The following SAMD5 variants were observed in gnomAD, a reference collection of about 807,000 sequenced individuals.
SAMD5 encodes sterile alpha motif domain-containing protein 5.
In SAMD5, 13 loss-of-function variants were observed where a neutral mutation model predicts 11.3. That is an observed-to-expected ratio of 1.15 (90% CI 0.75 to 1.83). The LOEUF (loss-of-function observed/expected upper bound fraction) is 1.83. Ranked by LOEUF, SAMD5 falls within the 40% of genes most tolerant of loss-of-function variation. The pLI is 0.00. For missense variants in SAMD5, 255 were observed against 239.1 expected, an observed-to-expected ratio of 1.07 and a Z score of -0.44; for synonymous variants, 129 against 111.3, an observed-to-expected ratio of 1.16 and a Z score of -1.00.
intron 1 of SAMD5, among the ~76,000 whole-genome samples, chr6:147,540,901 A>G (rs1788590084): frequency 7.4e-6 from 1 of 134,294 alleles, no homozygotes. Context: ...GACCCTGCTC[A>G]CCGCACCATA....
chr6:147,662,198 G>T (rs1450515105), intron 1 of SAMD5, among the ~76,000 whole-genome samples: 1 of 152,184 alleles, frequency 6.6e-6, no homozygotes, highest in Non-Finnish European at 1.5e-5. Context: ...GATGAAAGGA[G>T]TATAGTATTT....
chr6:147,938,153 G>A, the SAMD5 span, among the ~76,000 whole-genome samples: 3 of 152,198 alleles, frequency 2.0e-5, no homozygotes, highest in Non-Finnish European at 4.4e-5. Flanking sequence ...AGTATGTAAT[G>A]GGGAGAAGTG....
At chr6:147,743,288 A>G in the SAMD5 span, 1 of 152,350 alleles carries the variant, frequency 6.6e-6, no homozygotes, top group South Asian at 2.1e-4. Flanking sequence ...CAGCCGGATT[A>G]CAAGGTCAGA....
chr6:147,742,972 A>C, the SAMD5 span, among the ~76,000 whole-genome samples: 1 of 152,346 alleles, frequency 6.6e-6, no homozygotes, highest in African/African-American at 2.4e-5. Context: ...GTGGAGGTAC[A>C]AGAAGGTGAT....
At chr6:147,878,761 CAACACAATGACTAATAT>C in the SAMD5 span, among the ~76,000 whole-genome samples, 1 of 151,260 alleles carries the variant, frequency 6.6e-6, no homozygotes, top group African/African-American at 2.4e-5. Flanking sequence ...AGAACTAATA[CAACACAATGACTAATAT>C]AACACAAGCT....
the SAMD5 span, among the ~76,000 whole-genome samples, chr6:147,935,613 A>G: frequency 7.1e-6 from 1 of 141,012 alleles, no homozygotes; most frequent in African/African-American, 2.8e-5. Flanking sequence ...AAGGTTTTTT[A>G]AGAAAAAAAG....
chr6:147,791,707 T>G, the SAMD5 span, among the ~76,000 whole-genome samples: 1 of 152,184 alleles, frequency 6.6e-6, no homozygotes, highest in Non-Finnish European at 1.5e-5. Flanking sequence ...TTTAAAAAAA[T>G]TTTTCCCCAG....
chr6:147,604,194 A>G (rs969887145), intron 1 of SAMD5, among the ~76,000 whole-genome samples: 2 of 140,246 alleles, frequency 1.4e-5, no homozygotes, highest in African/African-American at 5.5e-5. Flanking sequence ...ATTACTTTTT[A>G]CATCAATGTA....
chr6:147,563,670 G>C (rs933722206), intron 1 of SAMD5, among the ~76,000 whole-genome samples: 1 of 152,160 alleles, frequency 6.6e-6, no homozygotes, highest in African/African-American at 2.4e-5. Flanking sequence ...CAATGAAGGG[G>C]TTAAAACTGT....
At chr6:147,631,036 G>T (rs1583114544) in intron 1 of SAMD5, among the ~76,000 whole-genome samples, 1 of 152,178 alleles carries the variant, frequency 6.6e-6, no homozygotes, top group South Asian at 2.1e-4. Flanking sequence ...CTTTGTGGGG[G>T]TGGTATGGAG....
the SAMD5 span, among the ~76,000 whole-genome samples, chr6:147,942,634 T>C: frequency 4.0e-3 from 609 of 152,288 alleles, 3 homozygotes; most frequent in African/African-American, 0.013. Context: ...CATCCTTGGC[T>C]AAGAGGCTCC....
intron 1 of SAMD5, among the ~76,000 whole-genome samples, chr6:147,660,137 C>T (rs779625733): frequency 2.0e-5 from 3 of 152,150 alleles, no homozygotes; most frequent in Non-Finnish European, 4.4e-5. Context: ...TCGGCCTGTC[C>T]TTATGATATG....
chr6:147,591,246 A>G (rs946870382), intron 1 of SAMD5, among the ~76,000 whole-genome samples: 2 of 152,158 alleles, frequency 1.3e-5, no homozygotes, highest in Admixed American at 6.5e-5. Flanking sequence ...TAAGAAAAGC[A>G]CTTCACTCTT....
intron 1 of SAMD5, among the ~76,000 whole-genome samples, chr6:147,623,511 C>T (rs1291136611): frequency 1.3e-5 from 2 of 152,196 alleles, no homozygotes; most frequent in East Asian, 3.8e-4. Context: ...CACTGACATA[C>T]ACAGGAAGGA....
rs1042628644 is a variant in SAMD5, at chr6:147,711,886, A to G, written c.163-25431A>G. 2.0e-5 allele frequency among the ~76,000 whole-genome samples: 3 copies of G among 152,210 alleles called. No individual in the cohort carries two copies. Among genetic ancestry groups the G allele is most frequent in the African/African-American group, 7.2e-5 (3 of 41,460 alleles). The stretch of plus-strand genomic sequence containing the variant: ...CTTGCCAATCGAAAGCCCTATTTAC[A>G]TAAACACCAGGGGCCCACTCAGAGG... On this transcript the variant is annotated intron_variant, in intron 1 of 1. Transcript: ENST00000566741. This position sits in a 1 kb window ranked among gnomAD's most constrained non-coding sequence, Gnocchi z 4.1.
At chr6:147,542,877 T>C (rs1788628613) in intron 1 of SAMD5, among the ~76,000 whole-genome samples, 1 of 152,176 alleles carries the variant, frequency 6.6e-6, no homozygotes, top group Admixed American at 6.5e-5. Context: ...TTGTTTAAAC[T>C]ATAAACTATA....
At chr6:147,640,926 T>G (rs1215307661) in intron 1 of SAMD5, among the ~76,000 whole-genome samples, 1 of 152,212 alleles carries the variant, frequency 6.6e-6, no homozygotes. Flanking sequence ...AATGTTAGCT[T>G]CCCTTGTCCT....
At chr6:147,774,401 G>A in the SAMD5 span, among the ~76,000 whole-genome samples, 20 of 152,220 alleles carry the variant, frequency 1.3e-4, no homozygotes, top group Non-Finnish European at 2.6e-4. Flanking sequence ...GGTTCCAAGC[G>A]TCCCCTTGGG....
chr6:147,815,945 G>A, the SAMD5 span, among the ~76,000 whole-genome samples: 3 of 151,990 alleles, frequency 2.0e-5, no homozygotes, highest in South Asian at 6.2e-4. Context: ...ATTTAAGCTT[G>A]CTATGCTTCT....
Sources: gnomAD v4.1 joint callset for allele counts (sites outside exome capture counted in the v4.1 genomes callset) on GRCh38, gnomAD v4.1.1 for gene constraint, Gnocchi (gnomAD v3.1) non-coding constraint, MANE v1.5 for transcripts, NCBI Gene and HGNC (gene_info 2026-07-23, HGNC 2026-07-21) for gene names.